The following IPMK variants were observed in gnomAD, a reference collection of about 807,000 sequenced individuals.
IPMK encodes the protein inositol polyphosphate multikinase.
In IPMK, 17 loss-of-function variants were observed where a neutral mutation model predicts 45.8. That is an observed-to-expected ratio of 0.37 (90% CI 0.25 to 0.56). The LOEUF (loss-of-function observed/expected upper bound fraction) is 0.56, where lower values mean the gene tolerates loss of function less well. Among genes scored for constraint, IPMK ranks in the 20% least tolerant of loss-of-function variants. The pLI is 0.79. For synonymous variants in IPMK, 180 were observed against 184.3 expected (o/e 0.98, Z 0.19); for missense variants, 399 against 498.0 (o/e 0.80, Z 1.89).
rs1024898347 is a variant in IPMK, at chr10:58,192,964, A to G, written c.*3112T>C. Reference sequence around the variant, plus strand: ...TTTAAAGCAAAACAAGTTTTAAAGTATAAAATGCCAAACTACTAAGAGAAA... The same window carrying G: ...TTTAAAGCAAAACAAGTTTTAAAGTGTAAAATGCCAAACTACTAAGAGAAA... On this transcript the variant is annotated 3_prime_UTR_variant, in exon 6 of 6. Transcript: ENST00000373935. The G allele has an allele frequency of 6.6e-6, 1 of 152,052 alleles. No homozygotes were observed. The highest frequency in any genetic ancestry group is 2.4e-5 in the African/African-American group (1 of 41,454). The allele number at this position is 152,052 out of a possible 1,614,324, so 9.4% of individuals were successfully genotyped here.
At chr10:58,248,604 A>C (rs1375103970) in intron 1 of IPMK, among the ~76,000 whole-genome samples, 1 of 152,196 alleles carries the variant, frequency 6.6e-6, no homozygotes, top group Non-Finnish European at 1.5e-5. Flanking sequence ...ATTTTTGTGA[A>C]CTATAATCAC....
intron 1 of IPMK, among the ~76,000 whole-genome samples, chr10:58,243,227 T>C (rs568262317): frequency 3.3e-5 from 5 of 152,044 alleles, no homozygotes; most frequent in African/African-American, 9.6e-5. Context: ...CATTGACAAA[T>C]GAAAGGGTAA....
chr10:58,213,332 G>C (rs1838194163), intron 4 of IPMK, among the ~76,000 whole-genome samples: 1 of 152,200 alleles, frequency 6.6e-6, no homozygotes, highest in Non-Finnish European at 1.5e-5. Flanking sequence ...TGCTTAAGAA[G>C]AAATAGAAAA....
intron 1 of IPMK, among the ~76,000 whole-genome samples, chr10:58,240,937 T>TA (rs1838688025): frequency 6.6e-6 from 1 of 152,122 alleles, no homozygotes; most frequent in African/African-American, 2.4e-5. Flanking sequence ...GCACCACTAC[T>TA]AAAAAAGACC....
intron 4 of IPMK, among the ~76,000 whole-genome samples, chr10:58,214,739 C>T (rs1465881682): frequency 1.3e-5 from 2 of 152,134 alleles, no homozygotes; most frequent in Admixed American, 6.5e-5. Flanking sequence ...ACCCATTATG[C>T]TTACATATAG....
At chr10:58,208,218 G>T (rs948398135) in intron 4 of IPMK, among the ~76,000 whole-genome samples, 4 of 152,094 alleles carry the variant, frequency 2.6e-5, no homozygotes, top group Non-Finnish European at 5.9e-5. Context: ...GGGATTACAG[G>T]TGTGAGCCAC....
In IPMK at chr10:58,194,545, T is replaced by C. The variant is rs1837863984; in HGVS notation, c.*1531A>G. 1 of 151,946 alleles carries C rather than the reference T, an allele frequency of 6.6e-6. No homozygotes were observed. Among genetic ancestry groups the C allele is most frequent in the Admixed American group, 6.6e-5 (1 of 15,262 alleles). 9.4% of individuals were successfully genotyped at this position (151,946 alleles called of 1,614,324 possible). A position where few individuals can be genotyped will look rare whatever the true frequency, so the allele number is the denominator to read the frequency against. On this transcript the variant is annotated 3_prime_UTR_variant, in exon 6 of 6. Coordinates refer to ENST00000373935, the MANE Select transcript of IPMK (RefSeq NM_152230.5). ...TCATAGAGCATTTAGTTGGTACTTC[T>C]GTTTGGACTCAGGTATTTGCAAAGT...
intron 1 of IPMK, among the ~76,000 whole-genome samples, chr10:58,241,462 A>G (rs1307185666): frequency 6.6e-6 from 1 of 152,212 alleles, no homozygotes; most frequent in Admixed American, 6.5e-5. Flanking sequence ...TCCTCTGGCA[A>G]ATCAGACCCA....
At chr10:58,238,470 T>TC (rs1838647694) in intron 1 of IPMK, among the ~76,000 whole-genome samples, 1 of 152,232 alleles carries the variant, frequency 6.6e-6, no homozygotes, top group South Asian at 2.1e-4. Flanking sequence ...CCAACACTGG[T>TC]CCTACCCCTA....
intron 1 of IPMK, among the ~76,000 whole-genome samples, chr10:58,247,497 C>T (rs1482300346): frequency 1.3e-5 from 2 of 151,638 alleles, no homozygotes; most frequent in Non-Finnish European, 2.9e-5. Flanking sequence ...GAGTTCATGT[C>T]CTTTGTAGGG....
In IPMK at chr10:58,193,544, T is replaced by G. The variant is rs1837846627; in HGVS notation, c.*2532A>C. ...CTATCCATATTAAAATATCAATTAA[T>G]GTAAATATTATAAAACTATTATACA... On this transcript the variant is annotated 3_prime_UTR_variant, in exon 6 of 6. Coordinates refer to ENST00000373935, the MANE Select transcript of IPMK (RefSeq NM_152230.5). 1 of 151,880 alleles carries G rather than the reference T, an allele frequency of 6.6e-6. No individual in the cohort carries two copies. Among genetic ancestry groups the G allele is most frequent in the South Asian group, 2.1e-4 (1 of 4,834 alleles). The allele number at this position is 151,880 out of a possible 1,614,324, so 9.4% of individuals were successfully genotyped here.
chr10:58,267,362 C>G, intron 1 of IPMK, 60 bp downstream of exon 1: 1 of 1,569,418 alleles, frequency 6.4e-7, no homozygotes, highest in Non-Finnish European at 8.8e-7. Context: ...GCTGCCTCCG[C>G]TGACAGGGGG....
intron 1 of IPMK, among the ~76,000 whole-genome samples, chr10:58,249,340 C>T (rs1031256010): frequency 2.6e-5 from 4 of 152,182 alleles, no homozygotes; most frequent in African/African-American, 7.2e-5. Flanking sequence ...CCCACCCCAG[C>T]CTCCCAGGGC....
intron 3 of IPMK, among the ~76,000 whole-genome samples, chr10:58,225,430 A>C (rs1838398494): frequency 1.3e-5 from 2 of 150,510 alleles, no homozygotes; most frequent in Non-Finnish European, 2.9e-5. Flanking sequence ...TCAAGATTAT[A>C]TAGTATTGAA....
rs78978500 is a variant in IPMK, at chr10:58,204,111, T to C, written c.547-4790A>G. Among the ~76,000 whole-genome samples the C allele has an allele frequency of 5.6e-3, 860 of 152,246 alleles. 6 individuals carry two copies. The highest frequency in any genetic ancestry group is 0.019 in the African/African-American group (795 of 41,562). The stretch of plus-strand genomic sequence containing the variant: ...GCACAGTGCCTCATGCCTTTAATAA[T>C]AGTGCTTTGGGAGGCTGAGGCAGGA... On this transcript the variant is annotated intron_variant, in intron 4 of 5. Transcript: ENST00000373935.
chr10:58,196,751 T>C, intron 5 of IPMK, 53 bp from the exon 6 acceptor site: 1 of 1,258,118 alleles, frequency 7.9e-7, no homozygotes, highest in Middle Eastern at 1.9e-4. Context: ...TAACTATTAT[T>C]TGGGAAGTAA....
intron 1 of IPMK, among the ~76,000 whole-genome samples, chr10:58,238,174 C>T (rs753410931): frequency 3.3e-5 from 5 of 152,142 alleles, no homozygotes; most frequent in Admixed American, 6.5e-5. Flanking sequence ...AGCAATAGCA[C>T]GAATTGACCC....
chr10:58,239,515 T>C (rs1298851226), intron 1 of IPMK, among the ~76,000 whole-genome samples: 1 of 152,040 alleles, frequency 6.6e-6, no homozygotes. Flanking sequence ...ATTAGACAAA[T>C]ACATTTTATC....
At chr10:58,203,223 G>A (rs1838022145) in intron 4 of IPMK, among the ~76,000 whole-genome samples, 1 of 152,206 alleles carries the variant, frequency 6.6e-6, no homozygotes. Flanking sequence ...AAGAGCAAGT[G>A]AACTAGAATT....
Sources: allele counts gnomAD v4.1 joint callset (sites outside exome capture counted in the v4.1 genomes callset), GRCh38; gene constraint gnomAD v4.1.1; transcripts MANE v1.5; gene names NCBI Gene and HGNC (gene_info 2026-07-23, HGNC 2026-07-21).